ERC1: variants seen among roughly 807,000 people sequenced by gnomAD.
ERC1 encodes RAB6 interacting protein 2.
In ERC1, 56 loss-of-function variants were observed where a neutral mutation model predicts 132.0. The ratio of observed to expected loss-of-function variants is 0.42; its 90% CI spans 0.34 to 0.53. The LOEUF (loss-of-function observed/expected upper bound fraction) is 0.53, where lower values mean the gene tolerates loss of function less well. Among genes scored for constraint, ERC1 ranks in the 20% least tolerant of loss-of-function variants. The probability of loss-of-function intolerance (pLI) is 0.03; values close to 1 mark genes in which losing one functional copy is unlikely to be tolerated. For synonymous variants in ERC1, 478 were observed against 476.1 expected (o/e 1.00, Z -0.05); for missense variants, 1,202 against 1,349.9 (o/e 0.89, Z 1.72).
chr12:1,218,456 C>G (rs896687378), intron 12 of ERC1, among the ~76,000 whole-genome samples: 11 of 152,286 alleles, frequency 7.2e-5, no homozygotes, highest in African/African-American at 2.2e-4. Context: ...CTGTTTCTCT[C>G]TTCCCTTCTC....
chr12:1,401,637 C>A (rs1242374043), intron 16 of ERC1, among the ~76,000 whole-genome samples: 1 of 151,250 alleles, frequency 6.6e-6, no homozygotes, highest in East Asian at 1.9e-4. Flanking sequence ...GTACCAACTT[C>A]ATATTGTTGC....
chr12:1,304,567 A>G (rs2080690620), intron 15 of ERC1, among the ~76,000 whole-genome samples: 4 of 152,118 alleles, frequency 2.6e-5, no homozygotes, highest in African/African-American at 9.7e-5. Flanking sequence ...TAAGCAGCCA[A>G]AAGAGTCTTC....
chr12:1,416,061 G>A (rs1243362310), intron 17 of ERC1, among the ~76,000 whole-genome samples: 1 of 152,218 alleles, frequency 6.6e-6, no homozygotes, highest in Non-Finnish European at 1.5e-5. Context: ...CATACCCAAA[G>A]AGGAGTCTTC....
intron 14 of ERC1, among the ~76,000 whole-genome samples, chr12:1,283,383 C>T (rs1380091651): frequency 6.6e-6 from 1 of 152,196 alleles, no homozygotes; most frequent in Non-Finnish European, 1.5e-5. Context: ...TTCTTCTACT[C>T]ATCGGTCTTT....
intron 18 of ERC1, among the ~76,000 whole-genome samples, chr12:1,471,525 CTG>C (rs2093861373): frequency 6.6e-6 from 1 of 152,214 alleles, no homozygotes; most frequent in African/African-American, 2.4e-5. Context: ...CGGTTTAAAA[CTG>C]AAGTGTTGTA....
intron 15 of ERC1, among the ~76,000 whole-genome samples, chr12:1,321,191 A>G (rs1488248308): frequency 6.6e-6 from 1 of 152,230 alleles, no homozygotes; most frequent in African/African-American, 2.4e-5. Context: ...CAGGACATAA[A>G]CATTTAATTT....
intron 1 of ERC1, 131 bp downstream of exon 1, chr12:991,453 G>C (rs1959215906): frequency 6.5e-6 from 1 of 152,760 alleles, no homozygotes; most frequent in Non-Finnish European, 1.5e-5. Context: ...GGGCTGGGCA[G>C]GGCAACGCGC....
At chr12:1,127,486 T>G (rs1286868816) in intron 7 of ERC1, among the ~76,000 whole-genome samples, 1 of 151,914 alleles carries the variant, frequency 6.6e-6, no homozygotes, top group African/African-American at 2.4e-5. Context: ...GGGATAGATA[T>G]AAGTACTATC....
chr12:1,452,546 TCTC>T, intron 18 of ERC1, among the ~76,000 whole-genome samples: 1 of 152,336 alleles, frequency 6.6e-6, no homozygotes, highest in East Asian at 1.9e-4. Flanking sequence ...ACTTCTCTCT[TCTC>T]CTTTGTAACT....
At chr12:1,014,817 G>A (rs1965262196) in intron 1 of ERC1, among the ~76,000 whole-genome samples, 1 of 151,936 alleles carries the variant, frequency 6.6e-6, no homozygotes, top group Non-Finnish European at 1.5e-5. Context: ...AGGCTGGAGT[G>A]CAGTGGTGCA....
At chr12:1,244,821 A>G (rs966149133) in intron 13 of ERC1, 95 of 184,584 alleles carry the variant, frequency 5.1e-4, no homozygotes, top group African/African-American at 1.8e-3. Flanking sequence ...ACCTGGCCTT[A>G]TACTTAATGT....
intron 16 of ERC1, among the ~76,000 whole-genome samples, chr12:1,381,631 A>T (rs76101943): frequency 6.6e-6 from 1 of 152,196 alleles, no homozygotes; most frequent in Non-Finnish European, 1.5e-5. Flanking sequence ...CATTACAAAC[A>T]CTAAGATCAA....
chr12:1,118,757 A>C (rs1042937910), intron 7 of ERC1, among the ~76,000 whole-genome samples: 9 of 152,220 alleles, frequency 5.9e-5, no homozygotes, highest in South Asian at 4.1e-4. Flanking sequence ...ATGTGTTTCT[A>C]TAATTTGCTC....
rs554705951 is a variant in ERC1 at position 1,116,990 on chromosome 12, T to A, written c.1569+957T>A. 2.0e-5 allele frequency among the ~76,000 whole-genome samples: 3 copies of A among 152,370 alleles called. No homozygotes were observed. The South Asian group carries it at 6.2e-4, about 32-fold the overall frequency. ...ACTTCAGATAGATATTTAGTGTATT[T>A]GCTAAATAATCCCAGATCGATTCTT... On this transcript the variant is annotated intron_variant, in intron 7 of 18. Transcript: ENST00000360905.
In ERC1 at chr12:1,414,844, A is replaced by T. The variant is rs139922783; in HGVS notation, c.3024+6597A>T. 7.2e-5 allele frequency among the ~76,000 whole-genome samples: 11 copies of T among 151,978 alleles called. No homozygotes were observed. In the South Asian group the frequency reaches 2.3e-3, roughly 32 times the overall value. ...TATAGTAGGTCCTCAGTAAATATAT[A>T]TGTGTGTGTGTGTCTGTGTGTGTGT... is the stretch of plus-strand genomic sequence containing the variant. On this transcript the variant is annotated intron_variant, in intron 17 of 18. Transcript: ENST00000360905.
chr12:1,476,663 C>T (rs374015021), intron 18 of ERC1, among the ~76,000 whole-genome samples: 2 of 152,062 alleles, frequency 1.3e-5, no homozygotes, highest in East Asian at 1.9e-4. Flanking sequence ...GAAAATGGCA[C>T]CCTTATTTCT....
intron 12 of ERC1, among the ~76,000 whole-genome samples, chr12:1,211,160 T>A (rs1194338286): frequency 6.6e-6 from 1 of 152,144 alleles, no homozygotes; most frequent in Non-Finnish European, 1.5e-5. Context: ...TATATATATA[T>A]ATTTTGAGAC....
chr12:1,209,070 G>A (rs781473907), intron 12 of ERC1, among the ~76,000 whole-genome samples: 1 of 149,008 alleles, frequency 6.7e-6, no homozygotes, highest in South Asian at 2.1e-4. Flanking sequence ...CCAGGTTCAG[G>A]CAATTCCCCT....
At chr12:1,420,711 C>T (rs556845715) in intron 17 of ERC1, among the ~76,000 whole-genome samples, 313 of 152,126 alleles carry the variant, frequency 2.1e-3, no homozygotes, top group African/African-American at 7.2e-3. Flanking sequence ...CACCTCGGCC[C>T]CCCAAAGTGC....
Sources: gnomAD v4.1 joint callset for allele counts (sites outside exome capture counted in the v4.1 genomes callset) on GRCh38, gnomAD v4.1.1 for gene constraint, MANE v1.5 for transcripts, NCBI Gene and HGNC (gene_info 2026-07-23, HGNC 2026-07-21) for gene names.